SLC9B2: variants seen among roughly 807,000 people sequenced by gnomAD.
SLC9B2 encodes the protein sodium/hydrogen exchanger 9B2.
SLC9B2 carries 39 observed loss-of-function variants against 52.2 expected under a neutral mutation model. The ratio of observed to expected loss-of-function variants is 0.75; its 90% CI spans 0.58 to 0.98. SLC9B2 has a LOEUF of 0.98. Ranked by LOEUF, SLC9B2 falls within the 50% of genes least tolerant of loss-of-function variation. The pLI is 0.00. For synonymous variants in SLC9B2, 214 were observed against 227.0 expected, an observed-to-expected ratio of 0.94 and a Z score of 0.51; for missense variants, 626 against 637.5, an observed-to-expected ratio of 0.98 and a Z score of 0.19.
chr4:103,051,427 G>A (rs1421495395), intron 4 of SLC9B2, among the ~76,000 whole-genome samples: 1 of 152,188 alleles, frequency 6.6e-6, no homozygotes, highest in Non-Finnish European at 1.5e-5. Flanking sequence ...GATGGGAGAA[G>A]AGAGACAACC....
At position 103,044,940 on chromosome 4, in the gene SLC9B2, T is replaced by C. The variant is rs766198898; in HGVS notation, c.946A>G (p.Thr316Ala). ...GVLEVVIGVA[T>A]GSVLGFFIQY... Reference sequence around the variant, plus strand: ...ATGAAAAATCCAAGAACAGATCCAGTTGCCACACCAATTACCACCTCCAAA... The same window carrying C: ...ATGAAAAATCCAAGAACAGATCCAGCTGCCACACCAATTACCACCTCCAAA... Residue 316 changes from threonine (T) to alanine (A), a missense_variant, in exon 8 of 12, where the codon ACT becomes GCT. Thr to Ala is a moderately conservative substitution (Grantham distance 58). Coordinates refer to ENST00000394785, the MANE Select transcript of SLC9B2 (RefSeq NM_178833.7). The C allele has an allele frequency of 1.2e-6, 2 of 1,613,942 alleles. No homozygotes were observed. Among genetic ancestry groups the C allele is most frequent in the African/African-American group, 1.3e-5 (1 of 75,022 alleles).
downstream of SLC9B2, among the ~76,000 whole-genome samples, chr4:103,020,611 T>C (rs895025451): frequency 6.6e-6 from 1 of 152,172 alleles, no homozygotes; most frequent in Non-Finnish European, 1.5e-5. Flanking sequence ...CCTTCTTGGG[T>C]AACTTAAATA....
At chr4:103,041,168 C>A (rs1164416537) in intron 9 of SLC9B2, among the ~76,000 whole-genome samples, 1 of 152,052 alleles carries the variant, frequency 6.6e-6, no homozygotes, top group Non-Finnish European at 1.5e-5. Context: ...CTGATCATTT[C>A]AGCATAATTT....
chr4:103,066,182 G>A (rs1746104057), intron 3 of SLC9B2, 145 bp downstream of exon 3: 1 of 903,446 alleles, frequency 1.1e-6, no homozygotes, highest in African/African-American at 1.7e-5. Flanking sequence ...GTGGAGCAGA[G>A]CCACCCATGT....
chr4:103,074,652 A>C (rs1746953989), intron 1 of SLC9B2, among the ~76,000 whole-genome samples: 1 of 152,224 alleles, frequency 6.6e-6, no homozygotes, highest in Non-Finnish European at 1.5e-5. Context: ...GGATTGTAAG[A>C]TTATGTATTT....
At chr4:103,066,644 C>A (rs1746156330) in intron 2 of SLC9B2, 137 bp from the exon 3 acceptor site, 1 of 746,432 alleles carries the variant, frequency 1.3e-6, no homozygotes, top group African/African-American at 1.8e-5. Flanking sequence ...AAACTCACAG[C>A]TTTATTACTA....
intron 4 of SLC9B2, among the ~76,000 whole-genome samples, chr4:103,055,969 A>G (rs1560554441): frequency 2.0e-5 from 3 of 151,266 alleles, no homozygotes. Context: ...ACGCCTGACT[A>G]ATTTTTTTGT....
intron 3 of SLC9B2, among the ~76,000 whole-genome samples, chr4:103,059,337 T>C (rs1038006060): frequency 1.3e-5 from 2 of 152,204 alleles, no homozygotes; most frequent in Admixed American, 1.3e-4. Flanking sequence ...GAGGGTATTT[T>C]CTTTAAACAG....
chr4:103,026,013 G>T lies in SLC9B2; in HGVS notation c.*357C>A. 1 of 162,670 alleles carries T rather than the reference G, an allele frequency of 6.1e-6. No individual in the cohort carries two copies. Among genetic ancestry groups the T allele is most frequent in the Admixed American group, 6.4e-5 (1 of 15,684 alleles). 10.1% of individuals were successfully genotyped at this position (162,670 alleles called of 1,614,324 possible). On this transcript the variant is annotated 3_prime_UTR_variant, in exon 12 of 12. Coordinates refer to ENST00000394785, the MANE Select transcript of SLC9B2 (RefSeq NM_178833.7). ...AAGGCATCAGAGCCTGGGCAAATATGAATCAGGAAACTGTGAAAGTTAAAA... is the reference window on the plus strand; with the variant it reads ...AAGGCATCAGAGCCTGGGCAAATATTAATCAGGAAACTGTGAAAGTTAAAA...
intron 9 of SLC9B2, 110 bp downstream of exon 9, chr4:103,043,186 G>T: frequency 8.3e-7 from 1 of 1,204,844 alleles, no homozygotes. Flanking sequence ...CATTAAGATA[G>T]CTTTTATAAT....
At chr4:103,062,710 A>G (rs1560558409) in intron 3 of SLC9B2, among the ~76,000 whole-genome samples, 1 of 152,160 alleles carries the variant, frequency 6.6e-6, no homozygotes. Flanking sequence ...TCCCAGGTTC[A>G]AGTGATTCTC....
rs749928028 is a variant in SLC9B2 at position 103,050,352 on chromosome 4, T to C, written c.473A>G (p.Asn158Ser). ...CACATTATCGTTGATGACTGGGATA[T>C]TTCTGATGAGAAACCCTGCAAGCAG... ...GMLLAGFLIR[N>S]IPVINDNVQI... Residue 158 changes from asparagine (N) to serine (S), a missense_variant, in exon 5 of 12, where the codon AAT becomes AGT. Asn to Ser is a conservative substitution (Grantham distance 46). Transcript: ENST00000394785. 1.6e-5 allele frequency: 26 copies of C among 1,604,020 alleles called. No individual in the cohort carries two copies. The highest frequency in any genetic ancestry group is 2.0e-5 in the Non-Finnish European group (24 of 1,176,396).
At chr4:103,034,045 G>A (rs567901173) in intron 9 of SLC9B2, among the ~76,000 whole-genome samples, 2 of 152,192 alleles carry the variant, frequency 1.3e-5, no homozygotes, top group East Asian at 1.9e-4. Flanking sequence ...CACACTACCC[G>A]ACTTCAAACT....
At chr4:103,039,614 T>G (rs1025736257) in intron 9 of SLC9B2, among the ~76,000 whole-genome samples, 7 of 151,658 alleles carry the variant, frequency 4.6e-5, no homozygotes, top group South Asian at 2.1e-4. Context: ...TTCCTTTTTT[T>G]GGGGAACCAT....
downstream of SLC9B2, chr4:103,020,253 G>GTTTTTT (rs10676315): frequency 5.2e-4 from 202 of 388,170 alleles, 1 homozygote; most frequent in East Asian, 1.9e-3. Flanking sequence ...ACCTTTGTGA[G>GTTTTTT]TTTTTTTTTT....
At position 103,056,277 on chromosome 4, in the gene SLC9B2, C is replaced by T. The variant is rs1025175734; in HGVS notation, c.442+1524G>A. Among the ~76,000 whole-genome samples, 11 of 150,722 alleles carry T rather than the reference C, an allele frequency of 7.3e-5. No homozygotes were observed. In the East Asian group the frequency reaches 2.0e-3, roughly 27 times the overall value. On this transcript the variant is annotated intron_variant, in intron 4 of 11. Transcript: ENST00000394785. ...TTTTATCTTTTTTGAGATGGAGTCT[C>T]GCTCTTGTCACCCAGGCTAGAGTGC...
chr4:103,046,595 G>A (rs1214541120), intron 7 of SLC9B2, among the ~76,000 whole-genome samples: 2 of 151,932 alleles, frequency 1.3e-5, no homozygotes, highest in Non-Finnish European at 2.9e-5. Context: ...AAGGCATGCT[G>A]TTCCTTTCAC....
intron 9 of SLC9B2, among the ~76,000 whole-genome samples, 165 bp from the exon 10 acceptor site, chr4:103,031,973 ATCTT>A (rs1466039835): frequency 7.2e-5 from 11 of 152,274 alleles, no homozygotes; most frequent in African/African-American, 2.6e-4. Context: ...CTGCATGAAG[ATCTT>A]TCTATCACAG....
chr4:103,064,648 C>T (rs1442077013), intron 3 of SLC9B2, among the ~76,000 whole-genome samples: 1 of 151,976 alleles, frequency 6.6e-6, no homozygotes, highest in Non-Finnish European at 1.5e-5. Context: ...TATGTTCTCA[C>T]CATGAAGAAA....
Sources: gnomAD v4.1 joint callset for allele counts (sites outside exome capture counted in the v4.1 genomes callset) on GRCh38, gnomAD v4.1.1 for gene constraint, MANE v1.5 for transcripts, NCBI Gene and HGNC (gene_info 2026-07-23, HGNC 2026-07-21) for gene names.